The following NR6A1 variants were observed in gnomAD, a reference collection of about 807,000 sequenced individuals.
The protein encoded by NR6A1 is retinoic acid receptor-related testis-associated receptor.
A neutral mutation model predicts 59.1 loss-of-function variants in NR6A1; 7 were observed. The observed-to-expected ratio is 0.12, with a 90% CI of 0.07 to 0.22. The LOEUF is 0.22. Ranked by LOEUF, NR6A1 falls within the 10% of genes least tolerant of loss-of-function variation. The pLI is 1.00. For missense variants in NR6A1, 468 were observed against 611.6 expected (o/e 0.77, Z 2.48); for synonymous variants, 243 against 236.1 (o/e 1.03, Z -0.27).
At chr9:124,657,431 G>T (rs755910913) in intron 2 of NR6A1, among the ~76,000 whole-genome samples, 2 of 152,054 alleles carry the variant, frequency 1.3e-5, no homozygotes, top group Admixed American at 6.5e-5. Flanking sequence ...GAAAGTCCAC[G>T]GAAAAAAATG....
At chr9:124,755,512 G>T (rs1840608506) in intron 1 of NR6A1, among the ~76,000 whole-genome samples, 1 of 152,112 alleles carries the variant, frequency 6.6e-6, no homozygotes, top group South Asian at 2.1e-4. Context: ...TTTACTGCTG[G>T]ACTCTTCAGG....
At chr9:124,673,662 T>C (rs1837863683) in intron 2 of NR6A1, among the ~76,000 whole-genome samples, 1 of 151,872 alleles carries the variant, frequency 6.6e-6, no homozygotes, top group Non-Finnish European at 1.5e-5. Context: ...CAAATATAAT[T>C]AAAGAAAAAA....
chr9:124,755,341 G>A (rs1000125866), intron 1 of NR6A1, among the ~76,000 whole-genome samples: 5 of 151,994 alleles, frequency 3.3e-5, no homozygotes, highest in Admixed American at 1.3e-4. Context: ...AACTTTTTCC[G>A]TTCATTATGT....
chr9:124,540,280 C>G lies in NR6A1; in HGVS notation c.442-93G>C, dbSNP rs1833405828. ...GCTTATTTAAATCTCATAGGATTTC[C>G]CAGAAACCTAGGTTCCCTCTCCTCC... is the stretch of plus-strand genomic sequence containing the variant. On this transcript the variant is annotated intron_variant, in intron 4 of 9. Transcript: ENST00000487099. 6 of 1,371,990 alleles carry G rather than the reference C, an allele frequency of 4.4e-6. No homozygotes were observed. In the South Asian group the frequency reaches 8.8e-5, roughly 20 times the overall value. The allele number at this position is 1,371,990 out of a possible 1,614,324, so 85.0% of individuals were successfully genotyped here.
chr9:124,633,259 C>T (rs1398161254), intron 2 of NR6A1, among the ~76,000 whole-genome samples: 3 of 151,542 alleles, frequency 2.0e-5, no homozygotes, highest in Non-Finnish European at 4.4e-5. Context: ...AAAAATTAGC[C>T]GGGCATGGTG....
chr9:124,565,938 A>G (rs1834227893), intron 2 of NR6A1, among the ~76,000 whole-genome samples: 1 of 152,226 alleles, frequency 6.6e-6, no homozygotes, highest in Non-Finnish European at 1.5e-5. Context: ...CATCTATCCT[A>G]TGATTCATTC....
intron 2 of NR6A1, among the ~76,000 whole-genome samples, chr9:124,677,835 A>AT (rs1564232354): frequency 1.3e-5 from 2 of 152,246 alleles, no homozygotes; most frequent in East Asian, 3.9e-4. Flanking sequence ...TATTTCAATC[A>AT]TAAGTATTTT....
chr9:124,730,001 TG>T (rs1220234442), intron 2 of NR6A1, among the ~76,000 whole-genome samples: 2 of 151,928 alleles, frequency 1.3e-5, no homozygotes, highest in African/African-American at 4.8e-5. Flanking sequence ...TTAGTAGAGA[TG>T]GGGTTTCTCA....
chr9:124,622,802 G>C (rs776570611), intron 2 of NR6A1, among the ~76,000 whole-genome samples: 6 of 152,090 alleles, frequency 3.9e-5, no homozygotes, highest in African/African-American at 7.2e-5. Flanking sequence ...GGCTTCAATG[G>C]GGGTGGAGGA....
At chr9:124,539,877 T>G (rs1180663580) in intron 5 of NR6A1, among the ~76,000 whole-genome samples, 156 bp downstream of exon 5, 2 of 152,180 alleles carry the variant, frequency 1.3e-5, no homozygotes, top group Admixed American at 6.5e-5. Flanking sequence ...GGAAACACTG[T>G]TTTTAATCTT....
At chr9:124,561,108 T>A (rs560284626) in intron 2 of NR6A1, among the ~76,000 whole-genome samples, 1 of 151,946 alleles carries the variant, frequency 6.6e-6, no homozygotes, top group South Asian at 2.1e-4. Flanking sequence ...GTGGATATTA[T>A]ATTATATTAA....
intron 1 of NR6A1, among the ~76,000 whole-genome samples, chr9:124,741,911 A>G (rs1840182862): frequency 2.0e-5 from 3 of 152,226 alleles, no homozygotes. Context: ...GATCGATATC[A>G]GGGAGAAGAG....
chr9:124,661,635 T>C (rs1186445059), intron 2 of NR6A1, among the ~76,000 whole-genome samples: 4 of 152,206 alleles, frequency 2.6e-5, no homozygotes, highest in Admixed American at 6.5e-5. Flanking sequence ...GATTTAATGG[T>C]GCTGGTAAAC....
rs554563653 is a variant in NR6A1, at chr9:124,704,355, G to A, written c.142+28953C>T. On this transcript the variant is annotated intron_variant, in intron 2 of 9. Transcript: ENST00000487099. ...CAACTGGTTTTGTGCTTTCCATTTC[G>A]TTGTTTTCCATTCTAATCTTTATTG... is the stretch of plus-strand genomic sequence containing the variant. Among the ~76,000 whole-genome samples the A allele has an allele frequency of 4.0e-4, 61 of 152,176 alleles. 1 individual carries two copies. In the South Asian group the frequency reaches 0.011, roughly 28 times the overall value.
At position 124,765,842 on chromosome 9, in the gene NR6A1, T is replaced by C. The variant is rs79018267; in HGVS notation, c.100+5178A>G. On this transcript the variant is annotated intron_variant, in intron 1 of 9. Transcript: ENST00000487099. Reference sequence around the variant, plus strand: ...ATGAAGAACGAAATACCGTAGGAAATGTTTTATTCTTTCAAATGATGCTCT... The same window carrying C: ...ATGAAGAACGAAATACCGTAGGAAACGTTTTATTCTTTCAAATGATGCTCT... Among the ~76,000 whole-genome samples the C allele has an allele frequency of 4.3e-3, 662 of 152,316 alleles. 17 individuals carry two copies. The East Asian group carries it at 0.063, about 15-fold the overall frequency.
intron 2 of NR6A1, among the ~76,000 whole-genome samples, chr9:124,576,179 T>C (rs1334901739): frequency 6.6e-6 from 1 of 152,256 alleles, no homozygotes. Context: ...AACCAACATT[T>C]ACTTACTGAG....
At chr9:124,642,096 C>T (rs963189714) in intron 2 of NR6A1, among the ~76,000 whole-genome samples, 4 of 152,110 alleles carry the variant, frequency 2.6e-5, no homozygotes, top group African/African-American at 4.8e-5. Flanking sequence ...TCACCTAGGC[C>T]GGACTGCAGT....
At chr9:124,638,026 T>C (rs576392649) in intron 2 of NR6A1, among the ~76,000 whole-genome samples, 1 of 152,042 alleles carries the variant, frequency 6.6e-6, no homozygotes, top group South Asian at 2.1e-4. Flanking sequence ...AGGAGGAGGA[T>C]AGCCTGAGTC....
intron 2 of NR6A1, among the ~76,000 whole-genome samples, chr9:124,669,419 A>G (rs1026026803): frequency 1.3e-5 from 2 of 152,234 alleles, no homozygotes; most frequent in African/African-American, 4.8e-5. Flanking sequence ...ACTTTTATAT[A>G]TAAGAGACTC....
Sources: allele counts gnomAD v4.1 joint callset (sites outside exome capture counted in the v4.1 genomes callset), GRCh38; gene constraint gnomAD v4.1.1; transcripts MANE v1.5; gene names NCBI Gene and HGNC (gene_info 2026-07-23, HGNC 2026-07-21).